Variants in IGSF3 observed in about 807,000 individuals in gnomAD.
IGSF3 encodes the protein immunoglobulin superfamily member 3.
IGSF3 carries 23 observed loss-of-function variants against 114.4 expected under a neutral mutation model. The ratio of observed to expected loss-of-function variants is 0.20; its 90% CI spans 0.14 to 0.28. The LOEUF (loss-of-function observed/expected upper bound fraction) is 0.28. Ranked by LOEUF, IGSF3 falls within the 10% of genes least tolerant of loss-of-function variation. The pLI, the probability that IGSF3 is intolerant of heterozygous loss-of-function variation, is 1.00. For missense variants in IGSF3, 1,172 were observed against 1,591.5 expected (o/e 0.74, Z 4.48); for synonymous variants, 571 against 645.2 (o/e 0.88, Z 1.74).
At chr1:116,640,670 T>C (rs1354125115) in intron 2 of IGSF3, among the ~76,000 whole-genome samples, 1 of 152,224 alleles carries the variant, frequency 6.6e-6, no homozygotes, top group Non-Finnish European at 1.5e-5. Flanking sequence ...ATAATCATTA[T>C]CTATAGCACA....
In IGSF3 at chr1:116,615,684, C is replaced by T. The variant is rs913258644; in HGVS notation, c.421+396G>A. ...TGTGCTTCCTGCTTCAGCAGTGCCC[C>T]GTGGGTCTCAGAGCTGCCCAAAGGC... On this transcript the variant is annotated intron_variant, in intron 3 of 10. Coordinates refer to ENST00000369486, the MANE Select transcript of IGSF3 (RefSeq NM_001007237.3). The surrounding 1 kb of genome is among the most constrained non-coding windows in gnomAD (Gnocchi z 4.3). Among the ~76,000 whole-genome samples the T allele has an allele frequency of 6.6e-6, 1 of 152,202 alleles. No homozygotes were observed. Among genetic ancestry groups the T allele is most frequent in the Non-Finnish European group, 1.5e-5 (1 of 68,034 alleles).
chr1:116,613,416 T>C (rs1248917129), intron 4 of IGSF3, among the ~76,000 whole-genome samples: 1 of 152,230 alleles, frequency 6.6e-6, no homozygotes, highest in Non-Finnish European at 1.5e-5. Context: ...CTGTGCCTAA[T>C]GGGAATGAAA....
chr1:116,601,111 G>A (rs1571142721), intron 6 of IGSF3, among the ~76,000 whole-genome samples: 1 of 152,084 alleles, frequency 6.6e-6, no homozygotes, highest in African/African-American at 2.4e-5. Flanking sequence ...CACTATCTAG[G>A]TGCAAGCATG....
In IGSF3 at chr1:116,593,831, G is replaced by T. The variant is rs182981966; in HGVS notation, c.2030-4727C>A. On this transcript the variant is annotated intron_variant, in intron 7 of 10. Coordinates refer to ENST00000369486, the MANE Select transcript of IGSF3 (RefSeq NM_001007237.3). The surrounding 1 kb of genome is among the most constrained non-coding windows in gnomAD (Gnocchi z 4.5). The stretch of plus-strand genomic sequence containing the variant: ...GCAGCTAATTGCAAGCAGGTCTCTG[G>T]TTGCCATATTGATTTGGGGAGGGGT... 6.6e-6 allele frequency among the ~76,000 whole-genome samples: 1 copy of T among 152,106 alleles called. No individual in the cohort carries two copies. Among genetic ancestry groups the T allele is most frequent in the Non-Finnish European group, 1.5e-5 (1 of 68,026 alleles).
intron 2 of IGSF3, among the ~76,000 whole-genome samples, chr1:116,631,514 C>A (rs1376241542): frequency 4.6e-5 from 7 of 152,052 alleles, no homozygotes; most frequent in Non-Finnish European, 1.0e-4. Flanking sequence ...CTGCTGAGGA[C>A]CCCAACCAAA....
rs1339437772 is a variant in IGSF3 at position 116,657,329 on chromosome 1, C to G, written c.43+8955G>C. Among the ~76,000 whole-genome samples, 2 of 152,064 alleles carry G rather than the reference C, an allele frequency of 1.3e-5. No individual in the cohort carries two copies. The highest frequency in any genetic ancestry group is 2.4e-5 in the African/African-American group (1 of 41,388). ...CAAAGAAGTAGTGGGCAAACACCAC[C>G]CAGGTTATCCAAGGTTCCTAAGGCC... On this transcript the variant is annotated intron_variant, in intron 2 of 10. Transcript: ENST00000369486. This position sits in a 1 kb window ranked among gnomAD's most constrained non-coding sequence, Gnocchi z 4.2.
chr1:116,631,084 C>T (rs370730976), intron 2 of IGSF3, among the ~76,000 whole-genome samples: 7 of 151,844 alleles, frequency 4.6e-5, no homozygotes, highest in South Asian at 2.1e-4. Flanking sequence ...TTTGGGAGGC[C>T]GAGGCGGGTG....
chr1:116,606,446 T>C (rs375961655), intron 5 of IGSF3: 62 of 1,612,086 alleles, frequency 3.8e-5, no homozygotes, highest in Admixed American at 8.4e-5. Flanking sequence ...TCCAAGGCAT[T>C]GTCACCATTA....
Position 116,579,138 on chromosome 1 carries a change from G to C in IGSF3, c.3334+254C>G, listed in dbSNP as rs1659477500. 1.3e-5 allele frequency among the ~76,000 whole-genome samples: 2 copies of C among 152,110 alleles called. No individual in the cohort carries two copies. Among genetic ancestry groups the C allele is most frequent in the Non-Finnish European group, 2.9e-5 (2 of 68,032 alleles). Reference sequence around the variant, plus strand: ...ATGAAATATTACTAAAATTGAATCTGGTAGAACATCGAGTTTATTATAAAG... The same window carrying C: ...ATGAAATATTACTAAAATTGAATCTCGTAGAACATCGAGTTTATTATAAAG... On this transcript the variant is annotated intron_variant, in intron 10 of 10. Transcript: ENST00000369486. This position sits in a 1 kb window ranked among gnomAD's most constrained non-coding sequence, Gnocchi z 6.4.
At chr1:116,587,282 T>C (rs1253461874) in intron 8 of IGSF3, among the ~76,000 whole-genome samples, 1 of 152,168 alleles carries the variant, frequency 6.6e-6, no homozygotes, top group Non-Finnish European at 1.5e-5. Flanking sequence ...CAATTATAAG[T>C]AAATACTTCA....
At chr1:116,578,645 C>T (rs759840403) in intron 10 of IGSF3, among the ~76,000 whole-genome samples, 45 of 152,116 alleles carry the variant, frequency 3.0e-4, no homozygotes, top group Non-Finnish European at 4.3e-4. Context: ...GTTAAAAATT[C>T]CAGCAATCTT....
chr1:116,641,563 AAAG>A (rs1648106341), intron 2 of IGSF3, among the ~76,000 whole-genome samples: 1 of 148,570 alleles, frequency 6.7e-6, no homozygotes, highest in Non-Finnish European at 1.5e-5. Context: ...AGAAAGAAGG[AAAG>A]AAAGAAAATT....
At position 116,627,060 on chromosome 1, in the gene IGSF3, T is replaced by C. The variant is rs531955432; in HGVS notation, c.44-10603A>G. Among the ~76,000 whole-genome samples the C allele has an allele frequency of 2.6e-5, 4 of 152,318 alleles. No individual in the cohort carries two copies. The highest frequency in any genetic ancestry group is 9.6e-5 in the African/African-American group (4 of 41,576). On this transcript the variant is annotated intron_variant, in intron 2 of 10. Coordinates refer to ENST00000369486, the MANE Select transcript of IGSF3 (RefSeq NM_001007237.3). The surrounding 1 kb of genome is among the most constrained non-coding windows in gnomAD (Gnocchi z 4.7). ...AGATCAGATTACTTGCCTGTAAATGTTCTCCCTGTAATTACTCTGACCGCT... is the reference window on the plus strand; with the variant it reads ...AGATCAGATTACTTGCCTGTAAATGCTCTCCCTGTAATTACTCTGACCGCT...
chr1:116,641,206 T>G (rs943273483), intron 2 of IGSF3, among the ~76,000 whole-genome samples: 3 of 151,852 alleles, frequency 2.0e-5, no homozygotes, highest in Non-Finnish European at 4.4e-5. Flanking sequence ...CAATAGAAAA[T>G]TAAAAGAAGA....
At chr1:116,609,837 C>A (rs1660944913) in intron 4 of IGSF3, among the ~76,000 whole-genome samples, 1 of 152,122 alleles carries the variant, frequency 6.6e-6, no homozygotes, top group Non-Finnish European at 1.5e-5. Flanking sequence ...GCATAAGCAG[C>A]ATCCACATTC....
At chr1:116,641,495 CAAAAAAAAAAAAAA>C (rs57930787) in intron 2 of IGSF3, among the ~76,000 whole-genome samples, 1 of 40,694 alleles carries the variant, frequency 2.5e-5, no homozygotes, top group African/African-American at 8.8e-5. Flanking sequence ...GACTCTGTCT[CAAAAAAAAAAAAAA>C]AAAAAAAAAA....
At position 116,649,799 on chromosome 1, in the gene IGSF3, A is replaced by T. The variant is rs1648553631; in HGVS notation, c.43+16485T>A. On this transcript the variant is annotated intron_variant, in intron 2 of 10. Coordinates refer to ENST00000369486, the MANE Select transcript of IGSF3 (RefSeq NM_001007237.3). This position sits in a 1 kb window ranked among gnomAD's most constrained non-coding sequence, Gnocchi z 4.5. The stretch of plus-strand genomic sequence containing the variant: ...CCTGTAATACTTTTCCGGCTGCATA[A>T]GTCACGTGTCACCATATAAACTCAC... 6.6e-6 allele frequency among the ~76,000 whole-genome samples: 1 copy of T among 152,302 alleles called. No homozygotes were observed. Among genetic ancestry groups the T allele is most frequent in the Middle Eastern group, 3.4e-3 (1 of 294 alleles).
intron 2 of IGSF3, among the ~76,000 whole-genome samples, chr1:116,652,319 T>C (rs1367497713): frequency 6.6e-6 from 1 of 152,232 alleles, no homozygotes; most frequent in African/African-American, 2.4e-5. Context: ...TAAAGCAGTA[T>C]CCCCTAAGGA....
chr1:116,580,116 T>G (rs771162723), intron 9 of IGSF3, among the ~76,000 whole-genome samples: 1 of 152,340 alleles, frequency 6.6e-6, no homozygotes, highest in South Asian at 2.1e-4. Flanking sequence ...TATTTTGACA[T>G]ACATATCTGT....
Sources: allele counts gnomAD v4.1 joint callset (sites outside exome capture counted in the v4.1 genomes callset), GRCh38; gene constraint gnomAD v4.1.1; non-coding constraint Gnocchi (gnomAD v3.1); transcripts MANE v1.5; gene names NCBI Gene and HGNC (gene_info 2026-07-23, HGNC 2026-07-21).